TG: variants seen among roughly 807,000 people sequenced by gnomAD.
TG encodes thyroglobulin, also known as thyroid hormones.
A neutral mutation model predicts 324.7 loss-of-function variants in TG; 270 were observed. The observed-to-expected ratio is 0.83, with a 90% confidence interval of 0.75 to 0.92. TG has a LOEUF of 0.92. Ranked by LOEUF, TG falls within the 40% of genes least tolerant of loss-of-function variation. The probability of loss-of-function intolerance (pLI) is 0.00; values close to 1 mark genes in which losing one functional copy is unlikely to be tolerated. For synonymous variants in TG, 1,401 were observed against 1,327.0 expected, an observed-to-expected ratio of 1.06 and a Z score of -1.21; for missense variants, 3,591 against 3,456.4, an observed-to-expected ratio of 1.04 and a Z score of -0.98.
intron 23 of TG, among the ~76,000 whole-genome samples, chr8:132,933,234 GAATGTGTATTTCTA>G: frequency 7.4e-4 from 1 of 1,356 alleles, no homozygotes. Flanking sequence ...GTGTGTATTT[GAATGTGTATTTCTA>G]TGTATTTGTG....
At chr8:133,048,858 C>T in intron 41 of TG, 1 of 185,230 alleles carries the variant, frequency 5.4e-6, no homozygotes. Context: ...TAAAATTAAA[C>T]TCGCAGAATT....
At chr8:133,049,254 C>T (rs948816450) in intron 41 of TG, 1 of 418,256 alleles carries the variant, frequency 2.4e-6, no homozygotes, top group Non-Finnish European at 4.8e-6. Flanking sequence ...TCTTGTTTAT[C>T]TTACCCATTT....
At chr8:133,111,270 G>A (rs985884287) in intron 43 of TG, among the ~76,000 whole-genome samples, 1 of 152,166 alleles carries the variant, frequency 6.6e-6, no homozygotes, top group African/African-American at 2.4e-5. Flanking sequence ...CTCACCTCAT[G>A]CATCCTGTCT....
chr8:132,912,282 C>T (rs1476211173), intron 19 of TG, among the ~76,000 whole-genome samples: 3 of 152,274 alleles, frequency 2.0e-5, no homozygotes, highest in Middle Eastern at 3.4e-3. Flanking sequence ...AATTAGGGGT[C>T]CCCTTCCATC....
chr8:132,990,603 A>G (rs1451019098), intron 35 of TG, among the ~76,000 whole-genome samples: 1 of 152,068 alleles, frequency 6.6e-6, no homozygotes, highest in Non-Finnish European at 1.5e-5. Context: ...CCCAACCTCT[A>G]ATGACCACAC....
At chr8:133,076,759 T>TAAAAAAAAAA (rs35056813) in intron 41 of TG, 5 of 128,422 alleles carry the variant, frequency 3.9e-5, no homozygotes, top group African/African-American at 1.5e-4. Flanking sequence ...GATTTAGCTG[T>TAAAAAAAAAA]AAAAAAAAAA....
intron 47 of TG, 87 bp downstream of exon 47, chr8:133,133,747 G>T (rs547840734): frequency 6.8e-7 from 1 of 1,463,900 alleles, no homozygotes; most frequent in African/African-American, 1.4e-5. Flanking sequence ...TGCTGCGCGC[G>T]CATTGGAGCC....
chr8:132,887,943 A>C (rs745672773), intron 9 of TG, 41 bp from the exon 10 acceptor site: 3 of 1,569,118 alleles, frequency 1.9e-6, no homozygotes, highest in Non-Finnish European at 2.6e-6. Context: ...CAGTTTGTTA[A>C]ATTTCTTAAA....
At chr8:132,911,752 T>C (rs1297090866) in intron 19 of TG, among the ~76,000 whole-genome samples, 1 of 152,228 alleles carries the variant, frequency 6.6e-6, no homozygotes, top group African/African-American at 2.4e-5. Flanking sequence ...TTCTGTGTCG[T>C]GAACATCTGC....
chr8:133,017,948 G>A lies in TG; in HGVS notation c.6733G>A (p.Ala2245Thr). 11 of 1,614,186 alleles carry A rather than the reference G, an allele frequency of 6.8e-6. No individual in the cohort carries two copies. The highest frequency in any genetic ancestry group is 3.3e-5 in the South Asian group (3 of 91,086). The change falls in exon 38 of 48, where the codon GCA (alanine) becomes ACA (threonine). Residue 2245 changes from alanine (A) to threonine (T), a missense_variant. Coordinates refer to ENST00000220616, the MANE Select transcript of TG (RefSeq NM_003235.5). Reference protein sequence around the residue: ...APPLAERRFQAPEPLNWTGSW... With the variant: ...APPLAERRFQTPEPLNWTGSW... The stretch of plus-strand genomic sequence containing the variant: ...GCCCCTGGCAGAGAGGCGCTTCCAG[G>A]CACCAGAGCCCTTGAACTGGACAGG...
intron 41 of TG, among the ~76,000 whole-genome samples, chr8:133,081,152 A>G (rs971393770): frequency 4.5e-4 from 69 of 152,276 alleles, no homozygotes; most frequent in Non-Finnish European, 5.9e-5. Context: ...CGCAAGGCGC[A>G]TAGGACGGGA....
chr8:133,022,015 T>C lies in TG; in HGVS notation c.6901T>C (p.Phe2301Leu), dbSNP rs754990517. ...GGCCCCTAACGCGTCTGTGCTGGTG[T>C]TCTTCCACAACACCATGGACAGGGA... ...NVAPNASVLV[F>L]FHNTMDREES... Residue 2301 changes from phenylalanine (F) to leucine (L), a missense_variant, in exon 40 of 48, where the codon TTC (phenylalanine) becomes CTC (leucine). Physicochemically the swap from Phe to Leu is conservative, Grantham distance 22. Coordinates refer to ENST00000220616, the MANE Select transcript of TG (RefSeq NM_003235.5). 1.2e-6 allele frequency: 2 copies of C among 1,614,192 alleles called. No homozygotes were observed. The highest frequency in any genetic ancestry group is 3.3e-5 in the Admixed American group (2 of 60,024).
rs562377138 is a variant in TG, at chr8:133,060,220, C to A, written c.7239+30197C>A. On this transcript the variant is annotated intron_variant, in intron 41 of 47. Coordinates refer to ENST00000220616, the MANE Select transcript of TG (RefSeq NM_003235.5). ...CAGAGCCTGTGGTATAGGAGACAGA[C>A]GGGGAAAGTCAACCGTGCCCTGAGC... The A allele has an allele frequency of 1.9e-6, 3 of 1,612,906 alleles. No individual in the cohort carries two copies. The Admixed American group carries it at 5.0e-5, about 27-fold the overall frequency.
chr8:132,941,640 A>C (rs1259428681), intron 26 of TG, 98 bp downstream of exon 26: 2 of 1,399,458 alleles, frequency 1.4e-6, no homozygotes, highest in Non-Finnish European at 2.0e-6. Flanking sequence ...TGGGGAGTAC[A>C]GTGTGAGTGC....
chr8:133,041,084 G>A (rs931339208), intron 41 of TG, among the ~76,000 whole-genome samples: 3 of 152,316 alleles, frequency 2.0e-5, no homozygotes, highest in Non-Finnish European at 4.4e-5. Context: ...TAGAGATTGA[G>A]GAAATTCTGC....
chr8:133,068,876 G>A (rs1393741284), intron 41 of TG, among the ~76,000 whole-genome samples: 1 of 152,266 alleles, frequency 6.6e-6, no homozygotes, highest in Non-Finnish European at 1.5e-5. Context: ...GTCAGCCTGT[G>A]GCTCTGTTGG....
At chr8:132,949,468 T>C (rs1825801271) in intron 27 of TG, among the ~76,000 whole-genome samples, 1 of 152,158 alleles carries the variant, frequency 6.6e-6, no homozygotes, top group Non-Finnish European at 1.5e-5. Context: ...ACTCCTTTAG[T>C]TGGGGGGACT....
chr8:133,133,654 T>C lies in TG; in HGVS notation c.8182T>C (p.Ser2728Pro). The C allele has an allele frequency of 6.2e-7, 1 of 1,613,754 alleles. No individual in the cohort carries two copies. Among genetic ancestry groups the C allele is most frequent in the East Asian group, 2.2e-5 (1 of 44,842 alleles). ...WSKYISSLKTSADGAKGGQSA... is the reference protein window; with the variant it reads ...WSKYISSLKTPADGAKGGQSA... ...CAAGTACATCTCGTCTCTGAAGACA[T>C]CTGCAGGTAGCAAAGCCCTGGGACA... The change falls in exon 47 of 48, where the codon TCT becomes CCT. Residue 2728 changes from serine (S) to proline (P), a missense_variant. By Grantham distance (74) the Ser-to-Pro change is moderately conservative (BLOSUM62 -1). Transcript: ENST00000220616.
At chr8:132,897,925 C>A in intron 12 of TG, 139 bp downstream of exon 12, 1 of 1,101,546 alleles carries the variant, frequency 9.1e-7, no homozygotes, top group Non-Finnish European at 1.3e-6. Context: ...CTTAGCTTCT[C>A]GGGCCTCCAG....
Sources: allele counts gnomAD v4.1 joint callset (sites outside exome capture counted in the v4.1 genomes callset), GRCh38; gene constraint gnomAD v4.1.1; transcripts MANE v1.5; gene names NCBI Gene and HGNC (gene_info 2026-07-23, HGNC 2026-07-21).